Variants in RIMBP2 observed in about 807,000 individuals in gnomAD.
RIMBP2 encodes the protein RIMS-binding protein 2.
A neutral mutation model predicts 118.6 loss-of-function variants in RIMBP2; 48 were observed. The ratio of observed to expected loss-of-function variants is 0.40; its 90% CI spans 0.32 to 0.51. The LOEUF is 0.51. RIMBP2 is among the 20% of genes least tolerant of loss of function. RIMBP2 has a pLI of 0.41. For missense variants in RIMBP2, 1,551 were observed against 1,768.3 expected (o/e 0.88, Z 2.20); for synonymous variants, 762 against 742.9 (o/e 1.03, Z -0.42).
In RIMBP2 at chr12:130,428,226, C is replaced by A; in HGVS notation, c.2365G>T (p.Asp789Tyr). The A allele has an allele frequency of 6.2e-7, 1 of 1,613,398 alleles. No individual in the cohort carries two copies. Among genetic ancestry groups the A allele is most frequent in the Non-Finnish European group, 8.5e-7 (1 of 1,179,698 alleles). Residue 789 changes from aspartate to tyrosine, a missense_variant, in exon 15 of 23, where the codon GAT becomes TAT. By Grantham distance (160) the Asp-to-Tyr change is radical. Around this residue, in one of 5 missense-constraint regions of RIMBP2, gnomAD observed 1,038 missense variants for 1,125.1 expected, o/e 0.92. Transcript: ENST00000690449. ...EELYSEMQLE[D>Y]GGRRRPSGTS... ...CCGCTGGGCCGCCTCCTTCCCCCAT[C>A]TTCCAGCTGCATTTCAGAATACAGC...
chr12:130,416,698 G>T (rs1256514514), intron 17 of RIMBP2, among the ~76,000 whole-genome samples: 1 of 152,110 alleles, frequency 6.6e-6, no homozygotes. Flanking sequence ...AAAAACAATT[G>T]CCACACAAAC....
At chr12:130,679,857 C>T (rs1254950014) in intron 1 of RIMBP2, among the ~76,000 whole-genome samples, 5 of 152,206 alleles carry the variant, frequency 3.3e-5, no homozygotes, top group East Asian at 3.9e-4. Context: ...ACTGTGACCA[C>T]GCAGAGAGTG....
intron 1 of RIMBP2, among the ~76,000 whole-genome samples, chr12:130,641,365 G>A (rs1171817555): frequency 6.9e-6 from 1 of 144,290 alleles, no homozygotes; most frequent in Non-Finnish European, 1.5e-5. Flanking sequence ...CACTCGGCCC[G>A]GCTTCACGGG....
chr12:130,479,529 C>A (rs964305645), intron 4 of RIMBP2, among the ~76,000 whole-genome samples: 6 of 152,124 alleles, frequency 3.9e-5, no homozygotes, highest in African/African-American at 1.4e-4. Flanking sequence ...AGGATGTCAT[C>A]CTTGCCCATC....
rs144206537 is a variant in RIMBP2 at position 130,543,641 on chromosome 12, T to C, written c.-216-25724A>G. ...AGAGAGTGATGAGGGCCACCTCTTT[T>C]TGCTAAAAGGAAGATTTCTTCCATT... On this transcript the variant is annotated intron_variant, in intron 2 of 22. Transcript: ENST00000690449. 6.4e-3 allele frequency among the ~76,000 whole-genome samples: 967 copies of C among 152,230 alleles called. 4 individuals are homozygous for C. Among genetic ancestry groups the C allele is most frequent in the Middle Eastern group, 0.017 (5 of 294 alleles).
At chr12:130,625,392 T>C (rs545190997) in intron 2 of RIMBP2, among the ~76,000 whole-genome samples, 134 of 152,328 alleles carry the variant, frequency 8.8e-4, no homozygotes, top group Admixed American at 2.0e-3. Flanking sequence ...CAGGAAATGC[T>C]GCCTTTGGAG....
At chr12:130,437,949 C>T (rs911128056) in intron 12 of RIMBP2, among the ~76,000 whole-genome samples, 1 of 152,200 alleles carries the variant, frequency 6.6e-6, no homozygotes, top group African/African-American at 2.4e-5. Context: ...CAGGGATATA[C>T]CCATTTCTTG....
At chr12:130,674,322 T>C (rs1338700370) in intron 1 of RIMBP2, among the ~76,000 whole-genome samples, 1 of 152,148 alleles carries the variant, frequency 6.6e-6, no homozygotes, top group Admixed American at 6.5e-5. Context: ...GGTGGAACCA[T>C]GAGCCAATTA....
chr12:130,661,022 C>A (rs2063637729), intron 1 of RIMBP2, among the ~76,000 whole-genome samples: 1 of 152,222 alleles, frequency 6.6e-6, no homozygotes. Flanking sequence ...AGTTCAAGAC[C>A]AGCCTGGCCA....
chr12:130,403,126 TC>T (rs753235244), intron 21 of RIMBP2, among the ~76,000 whole-genome samples: 47 of 152,192 alleles, frequency 3.1e-4, no homozygotes, highest in Non-Finnish European at 5.0e-4. Flanking sequence ...GAATTCGCTC[TC>T]TCGAGATGTT....
At chr12:130,650,973 A>G (rs375829633) in intron 1 of RIMBP2, among the ~76,000 whole-genome samples, 203 of 143,280 alleles carry the variant, frequency 1.4e-3, no homozygotes, top group East Asian at 4.1e-3. Flanking sequence ...AAAAAAAAAA[A>G]AAAGAAAGAA....
chr12:130,683,290 C>T lies in RIMBP2; in HGVS notation c.-352+32932G>A, dbSNP rs1263585801. Among the ~76,000 whole-genome samples, 2 of 152,286 alleles carry T rather than the reference C, an allele frequency of 1.3e-5. No individual in the cohort carries two copies. The highest frequency in any genetic ancestry group is 3.4e-3 in the Middle Eastern group (1 of 294). ...ACAAGCCCAAGGATGCCAAGGACAG[C>T]CGGGGAACGCAGGGAGCCAGGCTCC... On this transcript the variant is annotated intron_variant, in intron 1 of 22. Coordinates refer to ENST00000690449, the MANE Select transcript of RIMBP2 (RefSeq NM_001393629.1). The surrounding 1 kb of genome is among the most constrained non-coding windows in gnomAD (Gnocchi z 4.4).
At chr12:130,589,527 C>T (rs1191037091) in intron 2 of RIMBP2, among the ~76,000 whole-genome samples, 1 of 152,152 alleles carries the variant, frequency 6.6e-6, no homozygotes, top group Non-Finnish European at 1.5e-5. Flanking sequence ...GCTATGGCTT[C>T]CAGTCCTGCC....
intron 4 of RIMBP2, among the ~76,000 whole-genome samples, chr12:130,489,231 C>T (rs2048397934): frequency 6.6e-6 from 1 of 152,182 alleles, no homozygotes; most frequent in African/African-American, 2.4e-5. Context: ...TTACAGCCTA[C>T]ATATAAGCAA....
chr12:130,706,647 T>A (rs569992078), intron 1 of RIMBP2, among the ~76,000 whole-genome samples: 2 of 152,264 alleles, frequency 1.3e-5, no homozygotes, highest in East Asian at 3.8e-4. Flanking sequence ...TCAGGAGCCA[T>A]AAGGATTTGG....
intron 2 of RIMBP2, among the ~76,000 whole-genome samples, chr12:130,601,920 G>C (rs2059902072): frequency 6.6e-6 from 1 of 152,210 alleles, no homozygotes; most frequent in East Asian, 1.9e-4. Flanking sequence ...GAATGTCAAT[G>C]AGAAGGAATA....
In RIMBP2 at chr12:130,424,535, C is replaced by T. The variant is rs567423006; in HGVS notation, c.2736G>A (p.Ser912=). Residue 912 remains serine, a synonymous_variant, in exon 16 of 23, where the codon TCG becomes TCA. Coordinates refer to ENST00000690449, the MANE Select transcript of RIMBP2 (RefSeq NM_001393629.1). The surrounding 1 kb of genome is among the most constrained non-coding windows in gnomAD (Gnocchi z 9.8). ...GGCCGCTGTCCGGGCTCCGGGTGGC[C>T]GAGCGGCTGAACCGACAGCCCCTGT... ...LEDRGCRFSR[S]ATRSPDSGLD... 5.6e-5 allele frequency: 69 copies of T among 1,231,964 alleles called. No homozygotes were observed. The highest frequency in any genetic ancestry group is 3.8e-4 in the East Asian group (12 of 31,700). The allele number at this position is 1,231,964 out of a possible 1,614,324, so 76.3% of individuals were successfully genotyped here.
At chr12:130,570,207 T>C (rs1021399413) in intron 2 of RIMBP2, among the ~76,000 whole-genome samples, 2 of 152,100 alleles carry the variant, frequency 1.3e-5, no homozygotes, top group African/African-American at 4.8e-5. Context: ...GAGGATGACT[T>C]GAGCCTAGGA....
intron 11 of RIMBP2, 48 bp downstream of exon 11, chr12:130,441,800 T>C (rs1335517762): frequency 6.5e-7 from 1 of 1,529,528 alleles, no homozygotes; most frequent in South Asian, 1.2e-5. Flanking sequence ...CAGGGTGACA[T>C]CCTGGCGTTC....
Sources: allele counts gnomAD v4.1 joint callset (sites outside exome capture counted in the v4.1 genomes callset), GRCh38; gene constraint gnomAD v4.1.1; regional missense constraint gnomAD v4.1.1; non-coding constraint Gnocchi (gnomAD v3.1); transcripts MANE v1.5; gene names NCBI Gene and HGNC (gene_info 2026-07-23, HGNC 2026-07-21).